The following TMEM131 variants were observed in gnomAD, a reference collection of about 807,000 sequenced individuals.
TMEM131 encodes the protein transmembrane protein 131.
TMEM131 carries 66 observed loss-of-function variants against 211.6 expected under a neutral mutation model. That is an observed-to-expected ratio of 0.31 (90% CI 0.26 to 0.38). TMEM131 has a LOEUF of 0.38. Among genes scored for constraint, TMEM131 ranks in the 10% least tolerant of loss-of-function variants. The pLI, the probability that TMEM131 is intolerant of heterozygous loss-of-function variation, is 1.00. For synonymous variants in TMEM131, 844 were observed against 841.3 expected (o/e 1.00, Z -0.06); for missense variants, 2,036 against 2,299.3 (o/e 0.89, Z 2.34).
In TMEM131 at chr2:97,756,936, T is replaced by G; in HGVS notation, c.*163A>C. 2.7e-6 allele frequency: 2 copies of G among 727,606 alleles called. No homozygotes were observed. The highest frequency in any genetic ancestry group is 3.5e-5 in the Admixed American group (1 of 28,578). The allele number at this position is 727,606 out of a possible 1,614,324, so 45.1% of individuals were successfully genotyped here. A position where few individuals can be genotyped will look rare whatever the true frequency, so the allele number is the denominator to read the frequency against. ...TGTTATCATAATTGCAAGAAAGATC[T>G]GAAAGAAGCGAGTGGTCTGAGCCTG... On this transcript the variant is annotated 3_prime_UTR_variant, in exon 41 of 41. Coordinates refer to ENST00000186436, the MANE Select transcript of TMEM131 (RefSeq NM_015348.2).
At position 97,908,695 on chromosome 2, in the gene TMEM131, C is replaced by T. The variant is rs370000087; in HGVS notation, c.253G>A (p.Glu85Lys). 4.7e-5 allele frequency: 76 copies of T among 1,601,014 alleles called. No homozygotes were observed. The highest frequency in any genetic ancestry group is 8.9e-5 in the South Asian group (8 of 89,396). The change falls in exon 3 of 41, where the codon GAG becomes AAG. Residue 85 changes from glutamate (E) to lysine (K), a missense_variant. By Grantham distance (56) the Glu-to-Lys change is moderately conservative (BLOSUM62 1). Transcript: ENST00000186436. Reference sequence around the variant, plus strand: ...TATGAACTGAGTCCAAGTGTTGTCTCGGTCTGTAAAAGGAATAAAATAATG... The same window carrying T: ...TATGAACTGAGTCCAAGTGTTGTCTTGGTCTGTAAAAGGAATAAAATAATG... ...RFDDGGLLQT[E>K]TTLGLSSYQQ... is the part of the protein sequence containing the mutation.
chr2:97,900,193 A>G (rs772843405), intron 3 of TMEM131, among the ~76,000 whole-genome samples: 41 of 152,122 alleles, frequency 2.7e-4, no homozygotes, highest in Non-Finnish European at 1.3e-4. Context: ...CTAGCCCAGG[A>G]AAGATCAAAA....
intron 1 of TMEM131, among the ~76,000 whole-genome samples, chr2:97,995,270 A>G (rs1000699116): frequency 4.6e-5 from 7 of 152,220 alleles, no homozygotes; most frequent in Non-Finnish European, 7.4e-5. Flanking sequence ...GTGACAGGAG[A>G]CGGGGGAAGG....
intron 1 of TMEM131, among the ~76,000 whole-genome samples, chr2:97,953,270 G>C (rs1476093291): frequency 1.3e-5 from 2 of 152,166 alleles, no homozygotes; most frequent in East Asian, 3.8e-4. Context: ...CTTAATGAAA[G>C]TCAGACAAAA....
intron 27 of TMEM131, 78 bp downstream of exon 27, chr2:97,796,763 AAAT>A (rs1680785829): frequency 7.0e-7 from 1 of 1,429,500 alleles, no homozygotes; most frequent in Non-Finnish European, 9.7e-7. Flanking sequence ...GCACATACAG[AAAT>A]AATGTTGTTT....
intron 25 of TMEM131, among the ~76,000 whole-genome samples, chr2:97,800,516 A>T (rs1488055785): frequency 6.6e-6 from 1 of 151,600 alleles, no homozygotes; most frequent in Non-Finnish European, 1.5e-5. Context: ...TTAGGAGGCC[A>T]AGGTGGGTGG....
In TMEM131 at chr2:97,943,100, A is replaced by AGAGC. The variant is rs1553617926; in HGVS notation, c.188-15617_188-15614dup. Among the ~76,000 whole-genome samples, 19 of 149,674 alleles carry AGAGC rather than the reference A, an allele frequency of 1.3e-4. No individual in the cohort carries two copies. In the East Asian group the frequency reaches 1.4e-3, roughly 11 times the overall value. ...AAGAAAGAAAGAAAGAAAGAAAGAAAGAGCTGGGTGTGGTGGTGCATGCCT... is the reference window on the plus strand; with the variant it reads ...AAGAAAGAAAGAAAGAAAGAAAGAAAGAGCGAGCTGGGTGTGGTGGTGCATGCCT... On this transcript the variant is annotated intron_variant, in intron 1 of 40. Coordinates refer to ENST00000186436, the MANE Select transcript of TMEM131 (RefSeq NM_015348.2).
At chr2:97,800,174 A>G (rs375321643) in intron 25 of TMEM131, among the ~76,000 whole-genome samples, 1 of 152,162 alleles carries the variant, frequency 6.6e-6, no homozygotes, top group Non-Finnish European at 1.5e-5. Context: ...TAATAATTTT[A>G]AGACTGCAAG....
Position 97,793,102 on chromosome 2 carries a change from T to C in TMEM131, c.3546-118A>G, listed in dbSNP as rs13032265. 0.36 allele frequency: 273,213 copies of C among 769,334 alleles called. 52,256 individuals carry two copies. The highest frequency in any genetic ancestry group is 0.39 in the Non-Finnish European group (197,367 of 501,290). The allele number at this position is 769,334 out of a possible 1,614,324, so 47.7% of individuals were successfully genotyped here. A position where few individuals can be genotyped will look rare whatever the true frequency, so the allele number is the denominator to read the frequency against. ...AATATAAACTACACTAGGGAAAAAA[T>C]AGCAAGAAATAGGGAAATTTCTACA... On this transcript the variant is annotated intron_variant, in intron 30 of 40. Coordinates refer to ENST00000186436, the MANE Select transcript of TMEM131 (RefSeq NM_015348.2).
At chr2:97,826,999 A>C (rs569150418) in intron 11 of TMEM131, among the ~76,000 whole-genome samples, 6 of 151,120 alleles carry the variant, frequency 4.0e-5, no homozygotes, top group African/African-American at 1.5e-4. Flanking sequence ...CCTTCAGGAC[A>C]GGACGATAGA....
At chr2:97,864,974 C>T (rs1674215045) in intron 4 of TMEM131, among the ~76,000 whole-genome samples, 2 of 152,224 alleles carry the variant, frequency 1.3e-5, no homozygotes, top group South Asian at 4.1e-4. Flanking sequence ...AGTCCTAGGG[C>T]TACTGAACTA....
intron 3 of TMEM131, chr2:97,907,216 T>G (rs541532053): frequency 1.1e-4 from 16 of 152,196 alleles, no homozygotes; most frequent in African/African-American, 3.6e-4. Context: ...AGACAACCCA[T>G]GCCAGTGTTA....
intron 19 of TMEM131, among the ~76,000 whole-genome samples, chr2:97,806,967 G>T (rs1336468628): frequency 6.6e-6 from 1 of 152,138 alleles, no homozygotes; most frequent in Non-Finnish European, 1.5e-5. Context: ...ACCGCACTTG[G>T]CGTACTTGAA....
intron 1 of TMEM131, among the ~76,000 whole-genome samples, chr2:97,977,144 T>A (rs935168757): frequency 1.3e-5 from 2 of 152,110 alleles, no homozygotes; most frequent in Admixed American, 6.5e-5. Context: ...AAAAACATGA[T>A]CTATAAAAGA....
At chr2:97,961,815 G>C (rs763759624) in intron 1 of TMEM131, among the ~76,000 whole-genome samples, 3 of 152,168 alleles carry the variant, frequency 2.0e-5, no homozygotes, top group Non-Finnish European at 2.9e-5. Context: ...TGCTGCAACA[G>C]CTGAATATGC....
chr2:97,933,750 A>G (rs965098084), intron 1 of TMEM131, among the ~76,000 whole-genome samples: 3 of 152,180 alleles, frequency 2.0e-5, no homozygotes, highest in African/African-American at 7.2e-5. Context: ...CCAAAATTCA[A>G]AAACTGATCA....
intron 11 of TMEM131, among the ~76,000 whole-genome samples, chr2:97,828,680 G>A (rs1462243759): frequency 6.6e-6 from 1 of 152,244 alleles, no homozygotes; most frequent in African/African-American, 2.4e-5. Context: ...GAGAAAGGAG[G>A]ACTTTGCACC....
chr2:97,861,301 C>G (rs1313938124), intron 4 of TMEM131, among the ~76,000 whole-genome samples: 4 of 151,738 alleles, frequency 2.6e-5, no homozygotes, highest in Admixed American at 2.0e-4. Context: ...CTGGGGTGCC[C>G]AAGGGAGTGC....
chr2:97,955,506 G>A (rs1295874155), intron 1 of TMEM131, among the ~76,000 whole-genome samples: 4 of 152,150 alleles, frequency 2.6e-5, no homozygotes, highest in Non-Finnish European at 2.9e-5. Flanking sequence ...AAAATTGTCC[G>A]TATTGGCAAA....
Sources: gnomAD v4.1 joint callset for allele counts (sites outside exome capture counted in the v4.1 genomes callset) on GRCh38, gnomAD v4.1.1 for gene constraint, MANE v1.5 for transcripts, NCBI Gene and HGNC (gene_info 2026-07-23, HGNC 2026-07-21) for gene names.